PCDHA8: variants seen among roughly 807,000 people sequenced by gnomAD.
PCDHA8 encodes the protein protocadherin alpha 8, also known as protocadherin alpha-8.
PCDHA8 carries 53 observed loss-of-function variants against 61.8 expected under a neutral mutation model. That is an observed-to-expected ratio of 0.86 (90% CI 0.69 to 1.08). PCDHA8 has a LOEUF of 1.08. PCDHA8 is among the 50% of genes least tolerant of loss of function. PCDHA8 has a pLI of 0.00. For missense variants in PCDHA8, 1,293 were observed against 1,245.0 expected (o/e 1.04, Z -0.58); for synonymous variants, 618 against 556.6 (o/e 1.11, Z -1.55).
chr5:141,009,905 G>A lies in PCDHA8; in HGVS notation c.2821G>A (p.Gly941Arg), dbSNP rs781954349. The change falls in exon 4 of 4, where the codon GGG becomes AGG. Residue 941 changes from glycine (G) to arginine (R), a missense_variant. Physicochemically the swap from Gly to Arg is moderately radical, Grantham distance 125. Coordinates refer to ENST00000531613, the MANE Select transcript of PCDHA8 (RefSeq NM_018911.3). ...GNKTQEKKEK[G>R]NSTTDNSDQ Reference sequence around the variant, plus strand: ...CAAGACCCAGGAGAAAAAAGAGAAAGGGAACAGCACGACTGACAACAGTGA... The same window carrying A: ...CAAGACCCAGGAGAAAAAAGAGAAAAGGAACAGCACGACTGACAACAGTGA... 7.4e-6 allele frequency: 12 copies of A among 1,613,058 alleles called. No homozygotes were observed. Among genetic ancestry groups the A allele is most frequent in the Non-Finnish European group, 1.0e-5 (12 of 1,179,832 alleles).
intron 1 of PCDHA8, among the ~76,000 whole-genome samples, chr5:140,908,777 TCTC>T (rs2074149319): frequency 6.6e-6 from 1 of 152,144 alleles, no homozygotes; most frequent in African/African-American, 2.4e-5. Flanking sequence ...TGTAGAGTCT[TCTC>T]CTGTTCTGTA....
chr5:140,842,323 C>A lies in PCDHA8; in HGVS notation c.1002C>A (p.Cys334Ter), dbSNP rs2150334082. ...DKGHPPMAGH[C>*]TVLVRILDKN... ...GCCATCCTCCCATGGCGGGTCATTG[C>A]ACCGTTTTAGTGAGAATTTTGGATA... Residue 334 changes from cysteine (C) to a stop codon, truncating the protein, a stop_gained, in exon 1 of 4, where the codon TGC becomes TGA. Coordinates refer to ENST00000531613, the MANE Select transcript of PCDHA8 (RefSeq NM_018911.3). LOFTEE classifies it high-confidence loss of function. 1.2e-6 allele frequency: 2 copies of A among 1,607,134 alleles called. No homozygotes were observed.
rs1554139863 is a variant in PCDHA8, at chr5:140,843,200, T to C, written c.1879T>C (p.Tyr627His). The C allele has an allele frequency of 6.3e-7, 1 of 1,595,954 alleles. No homozygotes were observed. The highest frequency in any genetic ancestry group is 8.6e-7 in the Non-Finnish European group (1 of 1,165,518). Residue 627 changes from tyrosine (Y) to histidine (H), a missense_variant, in exon 1 of 4, where the codon TAC becomes CAC. Transcript: ENST00000531613. ...SPRIPFRVGLYTGEISTTRVL... is the reference protein window; with the variant it reads ...SPRIPFRVGLHTGEISTTRVL... The stretch of plus-strand genomic sequence containing the variant: ...TCGCATCCCGTTCCGCGTGGGGCTG[T>C]ACACGGGCGAGATCAGCACCACTCG...
At chr5:140,967,425 C>T in intron 1 of PCDHA8, 1 of 1,613,294 alleles carries the variant, frequency 6.2e-7, no homozygotes, top group Non-Finnish European at 8.5e-7. Flanking sequence ...CGGGAGCAGG[C>T]AGCCTTGCAC....
rs782731784 is a variant in PCDHA8, at chr5:140,857,723, G to A, written c.2394+14008G>A. 2.5e-6 allele frequency: 4 copies of A among 1,597,400 alleles called. No individual in the cohort carries two copies. Among genetic ancestry groups the A allele is most frequent in the Admixed American group, 1.7e-5 (1 of 59,286 alleles). On this transcript the variant is annotated intron_variant, in intron 1 of 3. Transcript: ENST00000531613. ...GCAGGTGTTCGTGCTGGACGAGAAC[G>A]ACAACGCTCCCGCGCTGCTGGCGTC...
chr5:140,907,623 G>A (rs553186767), intron 1 of PCDHA8, among the ~76,000 whole-genome samples: 3 of 152,234 alleles, frequency 2.0e-5, no homozygotes, highest in Non-Finnish European at 2.9e-5. Context: ...AGGGCTCAGT[G>A]TTGGTCTCTG....
At chr5:140,949,290 G>C (rs552572317) in intron 1 of PCDHA8, among the ~76,000 whole-genome samples, 5 of 151,900 alleles carry the variant, frequency 3.3e-5, no homozygotes, top group South Asian at 2.1e-4. Flanking sequence ...TGTATATTCT[G>C]TAATTGTTGG....
At chr5:141,005,199 C>T (rs2098200928) in intron 3 of PCDHA8, among the ~76,000 whole-genome samples, 1 of 152,208 alleles carries the variant, frequency 6.6e-6, no homozygotes, top group African/African-American at 2.4e-5. Flanking sequence ...TCCTTTCATT[C>T]ATTCATCCAG....
chr5:141,001,089 C>G (rs972790418), intron 3 of PCDHA8, among the ~76,000 whole-genome samples: 2 of 152,042 alleles, frequency 1.3e-5, no homozygotes, highest in Admixed American at 1.3e-4. Flanking sequence ...ACCCCATAAA[C>G]TGTCTAATCC....
intron 1 of PCDHA8, among the ~76,000 whole-genome samples, chr5:140,899,664 G>A (rs1263525075): frequency 2.0e-5 from 3 of 152,126 alleles, no homozygotes; most frequent in African/African-American, 4.8e-5. Context: ...GTCTCTGCCC[G>A]GCTTTGGTAT....
intron 1 of PCDHA8, chr5:140,865,437 T>G (rs951308725): frequency 2.0e-5 from 3 of 152,200 alleles, no homozygotes; most frequent in Admixed American, 6.5e-5. Flanking sequence ...GAAAAATAAC[T>G]TCTGAGAAGA....
intron 1 of PCDHA8, among the ~76,000 whole-genome samples, chr5:140,974,767 T>C (rs559758887): frequency 1.2e-4 from 18 of 152,098 alleles, no homozygotes; most frequent in Non-Finnish European, 2.4e-4. Flanking sequence ...GGATTACAGG[T>C]ATGAGCCACT....
At chr5:141,007,395 C>CAAAAAAAAAAAAA (rs35800918) in intron 3 of PCDHA8, among the ~76,000 whole-genome samples, 1 of 94,866 alleles carries the variant, frequency 1.1e-5, no homozygotes. Flanking sequence ...TACTAAAATA[C>CAAAAAAAAAAAAA]AAAAAAAAAA....
chr5:140,922,560 G>A (rs2080886484), intron 1 of PCDHA8, among the ~76,000 whole-genome samples: 4 of 152,146 alleles, frequency 2.6e-5, no homozygotes, highest in Admixed American at 2.6e-4. Flanking sequence ...GAAAAGTCAG[G>A]ATGACAAGTT....
chr5:140,961,704 C>T (rs1381981839), intron 1 of PCDHA8, among the ~76,000 whole-genome samples: 1 of 152,086 alleles, frequency 6.6e-6, no homozygotes, highest in African/African-American at 2.4e-5. Flanking sequence ...GTATGAATGC[C>T]TTCATTTCTA....
At position 140,848,680 on chromosome 5, in the gene PCDHA8, G is replaced by T. The variant is rs2150417098; in HGVS notation, c.2394+4965G>T. ...CTGGAGCTGGCGGAGCTGGTGCCGC[G>T]CCTGTTCCAGTTGGATTCCAAAGGC... On this transcript the variant is annotated intron_variant, in intron 1 of 3. Transcript: ENST00000531613. 4.4e-5 allele frequency: 70 copies of T among 1,592,250 alleles called. 5 individuals are homozygous for T. The highest frequency in any genetic ancestry group is 3.9e-4 in the Admixed American group (23 of 59,170).
intron 1 of PCDHA8, among the ~76,000 whole-genome samples, chr5:140,945,912 A>G (rs1351762760): frequency 2.0e-5 from 3 of 152,132 alleles, no homozygotes; most frequent in African/African-American, 7.2e-5. Flanking sequence ...TGAAAGATCA[A>G]TAACACTGAT....
rs781866504 is a variant in PCDHA8, at chr5:140,841,549, G to T, written c.228G>T (p.Glu76Asp). 6.2e-6 allele frequency: 10 copies of T among 1,613,710 alleles called. No homozygotes were observed. Among genetic ancestry groups the T allele is most frequent in the East Asian group, 2.2e-5 (1 of 44,888 alleles). The change falls in exon 1 of 4, where the codon GAG becomes GAT. Residue 76 changes from glutamate to aspartate, a missense_variant. Coordinates refer to ENST00000531613, the MANE Select transcript of PCDHA8 (RefSeq NM_018911.3). ...CCAAAAGACACCGGGACCTTCTGGAGGTAAGTCTGCAGAATGGCATTTTGT... is the reference window on the plus strand; with the variant it reads ...CCAAAAGACACCGGGACCTTCTGGATGTAAGTCTGCAGAATGGCATTTTGT... ...VASKRHRDLL[E>D]VSLQNGILFV...
chr5:140,942,995 G>A (rs933167090), intron 1 of PCDHA8, among the ~76,000 whole-genome samples: 7 of 152,042 alleles, frequency 4.6e-5, no homozygotes, highest in African/African-American at 1.2e-4. Context: ...GGTGGCTCAT[G>A]CCTGTAATCC....
Sources: allele counts gnomAD v4.1 joint callset (sites outside exome capture counted in the v4.1 genomes callset), GRCh38; gene constraint gnomAD v4.1.1; transcripts MANE v1.5; gene names NCBI Gene and HGNC (gene_info 2026-07-23, HGNC 2026-07-21).